The following OSBPL8 variants were observed in gnomAD, a reference collection of about 807,000 sequenced individuals.
OSBPL8 encodes the protein oxysterol-binding protein-related protein 8.
Under a neutral mutation model 125.5 loss-of-function variants are expected in OSBPL8, and 59 were observed. The observed-to-expected ratio is 0.47, with a 90% CI of 0.38 to 0.58. The LOEUF (loss-of-function observed/expected upper bound fraction) is 0.58. OSBPL8 is among the 20% of genes least tolerant of loss of function. The probability of loss-of-function intolerance (pLI) is 0.00; values close to 1 mark genes in which losing one functional copy is unlikely to be tolerated. For synonymous variants in OSBPL8, 330 were observed against 338.9 expected, an observed-to-expected ratio of 0.97 and a Z score of 0.29; for missense variants, 758 against 1,047.8, an observed-to-expected ratio of 0.72 and a Z score of 3.82.
At chr12:76,524,011 C>CT (rs1950093997) in intron 1 of OSBPL8, among the ~76,000 whole-genome samples, 2 of 152,106 alleles carry the variant, frequency 1.3e-5, no homozygotes, top group South Asian at 4.1e-4. Flanking sequence ...GATACGTTAA[C>CT]TTTTTTAGAA....
At chr12:76,422,310 A>G (rs1869584465) in intron 4 of OSBPL8, among the ~76,000 whole-genome samples, 1 of 152,194 alleles carries the variant, frequency 6.6e-6, no homozygotes. Context: ...TTACTGAATC[A>G]TTACTTCTGA....
intron 21 of OSBPL8, among the ~76,000 whole-genome samples, chr12:76,368,833 T>A (rs1009547271): frequency 4.6e-5 from 7 of 152,180 alleles, no homozygotes; most frequent in Non-Finnish European, 1.0e-4. Context: ...ACATACACAA[T>A]TGTGTATGAG....
intron 1 of OSBPL8, among the ~76,000 whole-genome samples, chr12:76,539,704 G>A (rs1260873308): frequency 1.3e-5 from 2 of 152,180 alleles, no homozygotes; most frequent in African/African-American, 2.4e-5. Context: ...ATAAAAAGCC[G>A]AAGAGTGAAG....
intron 4 of OSBPL8, among the ~76,000 whole-genome samples, chr12:76,414,444 T>C (rs867408519): frequency 1.4e-5 from 2 of 144,900 alleles, no homozygotes; most frequent in African/African-American, 5.1e-5. Flanking sequence ...AGGGTTTATT[T>C]TTCTGGTTTT....
chr12:76,421,552 CA>C (rs1235360408), intron 4 of OSBPL8, among the ~76,000 whole-genome samples: 2 of 151,988 alleles, frequency 1.3e-5, no homozygotes, highest in African/African-American at 4.8e-5. Flanking sequence ...CACTTATCAA[CA>C]TGAATATTCA....
chr12:76,547,968 G>A (rs1950826798), intron 1 of OSBPL8, among the ~76,000 whole-genome samples: 1 of 152,136 alleles, frequency 6.6e-6, no homozygotes, highest in South Asian at 2.1e-4. Context: ...CAAATCAATA[G>A]TGAAGGGACA....
intron 5 of OSBPL8, among the ~76,000 whole-genome samples, chr12:76,407,163 A>G (rs1954296257): frequency 1.3e-5 from 2 of 152,360 alleles, no homozygotes; most frequent in South Asian, 4.1e-4. Flanking sequence ...AAATCTTCAG[A>G]ATTCCACAAG....
At chr12:76,403,627 A>T (rs1422476351) in intron 5 of OSBPL8, among the ~76,000 whole-genome samples, 1 of 152,208 alleles carries the variant, frequency 6.6e-6, no homozygotes, top group Non-Finnish European at 1.5e-5. Flanking sequence ...ATACTCCTTC[A>T]ATGTCCATAA....
chr12:76,381,550 G>T (rs1415144720), intron 15 of OSBPL8, among the ~76,000 whole-genome samples: 1 of 151,998 alleles, frequency 6.6e-6, no homozygotes, highest in Admixed American at 6.6e-5. Flanking sequence ...TAGATACACA[G>T]GCATTTATGA....
chr12:76,439,477 T>A (rs1871914003), intron 4 of OSBPL8, among the ~76,000 whole-genome samples: 1 of 152,130 alleles, frequency 6.6e-6, no homozygotes, highest in Non-Finnish European at 1.5e-5. Context: ...TAAAACACCA[T>A]CAATTTAAGA....
Position 76,559,659 on chromosome 12 carries a change from C to A in OSBPL8, c.-330G>T, listed in dbSNP as rs1021694620. The A allele has an allele frequency of 6.6e-6, 1 of 152,264 alleles. No homozygotes were observed. The highest frequency in any genetic ancestry group is 1.5e-5 in the Non-Finnish European group (1 of 68,076). The allele number at this position is 152,264 out of a possible 1,614,324, so 9.4% of individuals were successfully genotyped here. ...GGGCGGACCCCCACCTTCCCTCAGTCGGCTTGCTACCGGCAGCGGCTACTG... is the reference window on the plus strand; with the variant it reads ...GGGCGGACCCCCACCTTCCCTCAGTAGGCTTGCTACCGGCAGCGGCTACTG... On this transcript the variant is annotated 5_prime_UTR_variant, in exon 1 of 24. Transcript: ENST00000261183.
At chr12:76,373,507 A>G in intron 17 of OSBPL8, 74 bp from the exon 18 acceptor site, 1 of 1,125,928 alleles carries the variant, frequency 8.9e-7, no homozygotes, top group Non-Finnish European at 1.3e-6. Context: ...AAAACAAAAA[A>G]CCCAACAAAA....
At chr12:76,376,572 C>T (rs933468809) in intron 16 of OSBPL8, among the ~76,000 whole-genome samples, 6 of 152,048 alleles carry the variant, frequency 3.9e-5, no homozygotes, top group East Asian at 1.9e-4. Context: ...AGCTAAGTAG[C>T]GCATGGATAT....
At chr12:76,427,566 T>A (rs1565888706) in intron 4 of OSBPL8, among the ~76,000 whole-genome samples, 1 of 151,982 alleles carries the variant, frequency 6.6e-6, no homozygotes, top group South Asian at 2.1e-4. Flanking sequence ...AAAATTTTAA[T>A]GGCAACTGTT....
chr12:76,460,546 T>G (rs1565915230), intron 2 of OSBPL8, among the ~76,000 whole-genome samples: 1 of 149,368 alleles, frequency 6.7e-6, no homozygotes, highest in Non-Finnish European at 1.5e-5. Context: ...TTTTACTAAG[T>G]CAGACAAACT....
intron 8 of OSBPL8, among the ~76,000 whole-genome samples, chr12:76,396,376 T>C (rs1953804615): frequency 6.6e-6 from 1 of 152,200 alleles, no homozygotes; most frequent in Non-Finnish European, 1.5e-5. Flanking sequence ...TAATCTCAAT[T>C]AGTTGGTTTT....
chr12:76,443,231 T>C (rs760391840), intron 4 of OSBPL8, among the ~76,000 whole-genome samples: 3 of 152,312 alleles, frequency 2.0e-5, no homozygotes, highest in Non-Finnish European at 2.9e-5. Flanking sequence ...TTATATATTC[T>C]CTCACAAAGC....
At chr12:76,356,826 T>C in intron 22 of OSBPL8, 98 bp from the exon 23 acceptor site, 1 of 749,806 alleles carries the variant, frequency 1.3e-6, no homozygotes, top group African/African-American at 1.8e-5. Flanking sequence ...GCATTTGTTT[T>C]TGTAGCCTAG....
chr12:76,356,120 T>C, intron 23 of OSBPL8, 99 bp from the exon 24 acceptor site: 3 of 778,526 alleles, frequency 3.9e-6, no homozygotes, highest in South Asian at 4.4e-5. Flanking sequence ...CATTTAATGT[T>C]AATAATTTTT....
Sources: gnomAD v4.1 joint callset for allele counts (sites outside exome capture counted in the v4.1 genomes callset) on GRCh38, gnomAD v4.1.1 for gene constraint, MANE v1.5 for transcripts, NCBI Gene and HGNC (gene_info 2026-07-23, HGNC 2026-07-21) for gene names.